KLHL1: variants seen among roughly 807,000 people sequenced by gnomAD.
KLHL1 encodes kelch like family member 1.
A neutral mutation model predicts 77.7 loss-of-function variants in KLHL1; 47 were observed. That is an observed-to-expected ratio of 0.60 (90% CI 0.48 to 0.77). The LOEUF (loss-of-function observed/expected upper bound fraction) is 0.77, where lower values mean the gene tolerates loss of function less well. Among genes scored for constraint, KLHL1 ranks in the 30% least tolerant of loss-of-function variants. The probability of loss-of-function intolerance (pLI) is 0.00; values close to 1 mark genes in which losing one functional copy is unlikely to be tolerated. For missense variants in KLHL1, 925 were observed against 910.8 expected (o/e 1.02, Z -0.20); for synonymous variants, 360 against 325.2 (o/e 1.11, Z -1.15).
intron 1 of KLHL1, among the ~76,000 whole-genome samples, chr13:70,070,037 G>A (rs560597465): frequency 2.6e-5 from 4 of 151,772 alleles, no homozygotes; most frequent in East Asian, 1.9e-4. Flanking sequence ...GTGTGGTGGC[G>A]GGCACCTGTA....
intron 6 of KLHL1, chr13:69,802,847 C>T (rs181312333): frequency 3.3e-5 from 5 of 152,216 alleles, no homozygotes; most frequent in Admixed American, 2.6e-4. Context: ...TTCTTTAACT[C>T]GGTGTCTGAG....
chr13:70,001,989 A>G (rs1885304349), intron 1 of KLHL1, among the ~76,000 whole-genome samples: 1 of 151,720 alleles, frequency 6.6e-6, no homozygotes, highest in Non-Finnish European at 1.5e-5. Flanking sequence ...CTAGAAAATA[A>G]AGTAAGAGCT....
chr13:69,736,497 C>T (rs1050678738), intron 8 of KLHL1, among the ~76,000 whole-genome samples: 1 of 152,118 alleles, frequency 6.6e-6, no homozygotes, highest in Non-Finnish European at 1.5e-5. Flanking sequence ...CCTTAAAGAA[C>T]TAACAGTAGG....
rs773136856 is a variant in KLHL1 at position 69,719,333 on chromosome 13, GTC to G, written c.2015+34_2015+35del. ...ATCAGGCATCAATGTGATTTGCACT[GTC>G]TCTTTCGCTGTAACAGTGTCCTTGG... On this transcript the variant is annotated intron_variant, in intron 9 of 10. Transcript: ENST00000377844. The G allele has an allele frequency of 2.5e-6, 4 of 1,575,790 alleles. No homozygotes were observed. In the South Asian group the frequency reaches 4.4e-5, roughly 18 times the overall value.
chr13:69,882,314 G>A lies in KLHL1; in HGVS notation c.1196C>T (p.Ala399Val). 2 of 1,613,734 alleles carry A rather than the reference G, an allele frequency of 1.2e-6. No individual in the cohort carries two copies. The highest frequency in any genetic ancestry group is 1.7e-6 in the Non-Finnish European group (2 of 1,179,666). ...TGGAAGCAGTGGCAGTCTTATAAAG[G>A]CAAGAAGCATGCTCAGGTCATTGCA... ...SRCNDLSMLLAFIRLPLLPPQ... is the reference protein window; with the variant it reads ...SRCNDLSMLLVFIRLPLLPPQ... The change falls in exon 5 of 11, where the codon GCC becomes GTC. Residue 399 changes from alanine (A) to valine (V), a missense_variant. Transcript: ENST00000377844.
intron 8 of KLHL1, among the ~76,000 whole-genome samples, chr13:69,737,109 C>A (rs75573984): frequency 0.046 from 7,027 of 152,222 alleles, 221 homozygotes; most frequent in African/African-American, 0.078. Context: ...CCTTTCCTAG[C>A]CAAAGAAGGC....
At chr13:70,000,304 G>C (rs1885255774) in intron 1 of KLHL1, among the ~76,000 whole-genome samples, 1 of 152,024 alleles carries the variant, frequency 6.6e-6, no homozygotes, top group African/African-American at 2.4e-5. Context: ...TTATCAAAGA[G>C]TCTGTCAGGA....
intron 7 of KLHL1, among the ~76,000 whole-genome samples, chr13:69,790,561 TAAAG>T (rs772946020): frequency 4.0e-5 from 6 of 151,270 alleles, no homozygotes; most frequent in South Asian, 2.1e-4. Context: ...AACAAACAAA[TAAAG>T]AAATACAGCA....
At chr13:69,824,892 T>C (rs927479351) in intron 6 of KLHL1, among the ~76,000 whole-genome samples, 3 of 152,086 alleles carry the variant, frequency 2.0e-5, no homozygotes, top group Non-Finnish European at 2.9e-5. Flanking sequence ...CACATCTCAA[T>C]GAATGTAAAT....
intron 1 of KLHL1, among the ~76,000 whole-genome samples, chr13:70,012,960 A>C (rs1885574398): frequency 6.6e-6 from 1 of 152,066 alleles, no homozygotes; most frequent in Non-Finnish European, 1.5e-5. Context: ...TAATATTTTG[A>C]ACCTAAGCCT....
chr13:69,956,481 G>A (rs1291046387), intron 3 of KLHL1, among the ~76,000 whole-genome samples: 1 of 151,338 alleles, frequency 6.6e-6, no homozygotes, highest in African/African-American at 2.4e-5. Flanking sequence ...AACCTGCACT[G>A]AACCACTATA....
chr13:69,927,322 G>T (rs1457637945), intron 4 of KLHL1, among the ~76,000 whole-genome samples: 1 of 152,060 alleles, frequency 6.6e-6, no homozygotes, highest in South Asian at 2.1e-4. Context: ...ACATATGTGG[G>T]AATCTTTGTG....
chr13:69,980,087 G>C (rs552888020), intron 1 of KLHL1, among the ~76,000 whole-genome samples: 1 of 152,136 alleles, frequency 6.6e-6, no homozygotes, highest in Middle Eastern at 3.2e-3. Context: ...TGACCAACAT[G>C]CTTTACTGTT....
chr13:69,848,060 T>C (rs1030909333), intron 5 of KLHL1, among the ~76,000 whole-genome samples: 4 of 151,404 alleles, frequency 2.6e-5, no homozygotes, highest in Admixed American at 1.3e-4. Context: ...AAGGAAAGAG[T>C]TCAGTCATCA....
At chr13:69,813,728 C>A (rs760556338) in intron 6 of KLHL1, among the ~76,000 whole-genome samples, 30 of 152,108 alleles carry the variant, frequency 2.0e-4, no homozygotes, top group Non-Finnish European at 4.3e-4. Context: ...CTACAAAGCA[C>A]TGCTGAAAGA....
chr13:70,084,607 T>C (rs1034664874), intron 1 of KLHL1, among the ~76,000 whole-genome samples: 13 of 122,380 alleles, frequency 1.1e-4, no homozygotes, highest in Non-Finnish European at 1.8e-4. Flanking sequence ...TACAGGCACC[T>C]GCCACCACGC....
At chr13:70,085,948 C>T (rs193101742) in intron 1 of KLHL1, among the ~76,000 whole-genome samples, 20 of 152,230 alleles carry the variant, frequency 1.3e-4, no homozygotes, top group African/African-American at 4.8e-4. Context: ...TGGTGACAGA[C>T]ATTTCATATT....
At chr13:69,866,936 T>C (rs1016619363) in intron 5 of KLHL1, among the ~76,000 whole-genome samples, 1 of 133,610 alleles carries the variant, frequency 7.5e-6, no homozygotes, top group Non-Finnish European at 1.6e-5. Flanking sequence ...TTTTCTGACC[T>C]AAATTATCAC....
At chr13:69,990,558 T>C (rs1239391019) in intron 1 of KLHL1, among the ~76,000 whole-genome samples, 1 of 151,840 alleles carries the variant, frequency 6.6e-6, no homozygotes, top group East Asian at 1.9e-4. Flanking sequence ...CCAACAAAGA[T>C]CAAACAAGGC....
Sources: allele counts gnomAD v4.1 joint callset (sites outside exome capture counted in the v4.1 genomes callset), GRCh38; gene constraint gnomAD v4.1.1; transcripts MANE v1.5; gene names NCBI Gene and HGNC (gene_info 2026-07-23, HGNC 2026-07-21).